ZC4H2: variants seen among roughly 807,000 people sequenced by gnomAD.
The protein encoded by ZC4H2 is zinc finger C4H2 domain-containing protein.
For missense variants in ZC4H2, 137 were observed against 173.9 expected, an observed-to-expected ratio of 0.79 and a Z score of 1.19; for synonymous variants, 84 against 66.3, an observed-to-expected ratio of 1.27 and a Z score of -1.30.
chrX:64,967,862 T>C (rs912631842), intron 1 of ZC4H2, among the ~76,000 whole-genome samples: 1 of 112,034 alleles, frequency 8.9e-6, no homozygotes, highest in Non-Finnish European at 1.9e-5. Flanking sequence ...CACTATGCCA[T>C]ATTTCTCTCT....
Position 64,922,004 on chromosome X carries a change from A to T in ZC4H2, c.54-16T>A. ...GGTCTTGTTCCTGCAATTTGCAAAAAGCAGGAAACAGGCCAGCAAAAGAAG... is the reference window on the plus strand; with the variant it reads ...GGTCTTGTTCCTGCAATTTGCAAAATGCAGGAAACAGGCCAGCAAAAGAAG... On this transcript the variant is annotated splice_polypyrimidine_tract_variant and intron_variant, in intron 1 of 4. Transcript: ENST00000374839. 5.0e-6 allele frequency: 6 copies of T among 1,207,507 alleles called. No individual in the cohort carries two copies. Among genetic ancestry groups the T allele is most frequent in the Non-Finnish European group, 5.6e-6 (5 of 893,756 alleles).
intron 1 of ZC4H2, among the ~76,000 whole-genome samples, chrX:64,989,028 T>A (rs1932253047): frequency 8.9e-6 from 1 of 112,153 alleles, no homozygotes; most frequent in Non-Finnish European, 1.9e-5. Context: ...CAGATAGTTG[T>A]AGATATGCGG....
At chrX:64,968,187 A>G (rs1284901208) in intron 1 of ZC4H2, among the ~76,000 whole-genome samples, 1 of 112,279 alleles carries the variant, frequency 8.9e-6, no homozygotes, top group Non-Finnish European at 1.9e-5. Flanking sequence ...TTTTTATGCT[A>G]TCAAAATTTA....
chrX:64,921,983 T>A lies in ZC4H2; in HGVS notation c.59A>T (p.Lys20Met). The A allele has an allele frequency of 8.3e-7, 1 of 1,209,445 alleles. No homozygotes were observed. Among genetic ancestry groups the A allele is most frequent in the Non-Finnish European group, 1.1e-6 (1 of 894,757 alleles). The part of the protein sequence containing the change: ...KLESIKEIRN[K>M]TLQMEKIKAR... ...CTTGATCTTCTCCATCTGCAGGGTC[T>A]TGTTCCTGCAATTTGCAAAAAGCAG... Residue 20 changes from lysine (K) to methionine (M), a missense_variant, in exon 2 of 5, where the codon AAG (lysine) becomes ATG (methionine). Coordinates refer to ENST00000374839, the MANE Select transcript of ZC4H2 (RefSeq NM_018684.4).
intron 1 of ZC4H2, among the ~76,000 whole-genome samples, chrX:64,973,629 T>C (rs896943560): frequency 1.8e-5 from 2 of 111,177 alleles, no homozygotes; most frequent in Admixed American, 9.6e-5. Context: ...TGCTTACTGT[T>C]TATTGTTTCT....
chrX:65,025,868 C>T (rs1431054146), intron 1 of ZC4H2, among the ~76,000 whole-genome samples: 2 of 112,340 alleles, frequency 1.8e-5, no homozygotes, highest in Non-Finnish European at 3.8e-5. Context: ...AAGTGGCTCA[C>T]TTGAAGCCTT....
intron 1 of ZC4H2, among the ~76,000 whole-genome samples, chrX:64,947,386 T>C (rs1482346089): frequency 8.9e-6 from 1 of 111,959 alleles, no homozygotes; most frequent in African/African-American, 3.2e-5. Flanking sequence ...TCCTTGATGA[T>C]TTCTGGCTTG....
At chrX:64,958,381 ATG>A (rs1263965741) in intron 1 of ZC4H2, among the ~76,000 whole-genome samples, 9 of 107,602 alleles carry the variant, frequency 8.4e-5, no homozygotes, top group Admixed American at 6.7e-4. Flanking sequence ...ATGCCTGTAT[ATG>A]TGTGTGTGTG....
chrX:64,938,515 A>G (rs1930118569), intron 1 of ZC4H2, among the ~76,000 whole-genome samples: 2 of 112,169 alleles, frequency 1.8e-5, no homozygotes, highest in African/African-American at 3.2e-5. Flanking sequence ...TCCCTGATGA[A>G]CATCGATGTG....
At chrX:64,990,742 C>G (rs368741197) in intron 1 of ZC4H2, among the ~76,000 whole-genome samples, 1 of 111,182 alleles carries the variant, frequency 9.0e-6, no homozygotes, top group African/African-American at 3.3e-5. Flanking sequence ...GTAGACCCAG[C>G]CCTCAGTGAA....
In ZC4H2 at chrX:64,916,396, C is replaced by A. The variant is rs1391413777; in HGVS notation, c.*1387G>T. On this transcript the variant is annotated 3_prime_UTR_variant, in exon 5 of 5. Coordinates refer to ENST00000374839, the MANE Select transcript of ZC4H2 (RefSeq NM_018684.4). ...CCCAGAAAGGTAAATGACATTACAT[C>A]TTTTGTATTATCCAATACACAGTAG... 1 of 111,798 alleles carries A rather than the reference C, an allele frequency of 8.9e-6. No homozygotes were observed. Among genetic ancestry groups the A allele is most frequent in the African/African-American group, 3.3e-5 (1 of 30,765 alleles). 9.2% of individuals were successfully genotyped at this position (111,798 alleles called of 1,213,427 possible).
At chrX:64,945,762 C>T (rs1000631521) in intron 1 of ZC4H2, among the ~76,000 whole-genome samples, 1 of 111,234 alleles carries the variant, frequency 9.0e-6, no homozygotes, top group Admixed American at 9.5e-5. Flanking sequence ...TGCCTTTTTT[C>T]CCGAGACGCC....
At chrX:64,920,803 T>C (rs1929163461) in intron 2 of ZC4H2, among the ~76,000 whole-genome samples, 1 of 112,508 alleles carries the variant, frequency 8.9e-6, no homozygotes, top group African/African-American at 3.2e-5. Flanking sequence ...AAATGCATAT[T>C]CTTAGGTTCA....
At chrX:64,991,977 T>C (rs1360063992) in intron 1 of ZC4H2, among the ~76,000 whole-genome samples, 2 of 111,331 alleles carry the variant, frequency 1.8e-5, no homozygotes, top group Non-Finnish European at 3.8e-5. Flanking sequence ...GGCAAGTACA[T>C]AGAGACAGAG....
chrX:65,001,399 G>T (rs977007500), intron 1 of ZC4H2, among the ~76,000 whole-genome samples: 1 of 111,962 alleles, frequency 8.9e-6, no homozygotes, highest in African/African-American at 3.3e-5. Context: ...AGTGCTGAGA[G>T]ATTTTGTCAC....
intron 1 of ZC4H2, among the ~76,000 whole-genome samples, chrX:64,963,385 G>A (rs759810579): frequency 9.0e-6 from 1 of 111,679 alleles, no homozygotes; most frequent in South Asian, 3.7e-4. Flanking sequence ...ATGATTTAAT[G>A]GATATGACAC....
chrX:64,994,478 G>T (rs1346924752), intron 1 of ZC4H2, among the ~76,000 whole-genome samples: 1 of 111,940 alleles, frequency 8.9e-6, no homozygotes, highest in East Asian at 2.8e-4. Context: ...TATTCTTAGG[G>T]ATCCATGAAA....
intron 1 of ZC4H2, among the ~76,000 whole-genome samples, chrX:65,032,734 T>TTTCCTTCCTTCCTTCC (rs59235733): frequency 0.014 from 1,214 of 86,767 alleles, 47 homozygotes; most frequent in African/African-American, 0.053. Flanking sequence ...TTCTTCTTTC[T>TTTCCTTCCTTCCTTCC]TTCCTTCCTT....
upstream of ZC4H2, chrX:64,976,487 C>A (rs941470499): frequency 8.1e-6 from 7 of 865,881 alleles, no homozygotes; most frequent in Admixed American, 4.6e-5. Flanking sequence ...TGAGCCTGTG[C>A]GGTAGGGGCT....
Sources: gnomAD v4.1 joint callset for allele counts (sites outside exome capture counted in the v4.1 genomes callset) on GRCh38, gnomAD v4.1.1 for gene constraint, MANE v1.5 for transcripts, NCBI Gene and HGNC (gene_info 2026-07-23, HGNC 2026-07-21) for gene names.